The following LRRC4C variants were observed in gnomAD, a reference collection of about 807,000 sequenced individuals.
LRRC4C encodes leucine-rich repeat-containing protein 4C.
LRRC4C carries 5 observed loss-of-function variants against 33.6 expected under a neutral mutation model. That is an observed-to-expected ratio of 0.15 (90% confidence interval 0.08 to 0.31). The LOEUF is 0.31. Ranked by LOEUF, LRRC4C falls within the 10% of genes least tolerant of loss-of-function variation. The probability of loss-of-function intolerance (pLI) is 1.00; values close to 1 mark genes in which losing one functional copy is unlikely to be tolerated. For missense variants in LRRC4C, 560 were observed against 796.7 expected, an observed-to-expected ratio of 0.70 and a Z score of 3.58; for synonymous variants, 329 against 302.0, an observed-to-expected ratio of 1.09 and a Z score of -0.93.
chr11:41,049,017 G>C (rs549306129), intron 1 of LRRC4C, among the ~76,000 whole-genome samples: 5 of 152,222 alleles, frequency 3.3e-5, no homozygotes, highest in Non-Finnish European at 7.3e-5. Context: ...TAGGTATGTA[G>C]AGCTTGGTAG....
At chr11:41,234,683 C>T (rs933498573) in intron 1 of LRRC4C, among the ~76,000 whole-genome samples, 1 of 151,970 alleles carries the variant, frequency 6.6e-6, no homozygotes, top group Non-Finnish European at 1.5e-5. Context: ...GATTCTTTTG[C>T]CATATGTGGC....
intron 3 of LRRC4C, among the ~76,000 whole-genome samples, chr11:40,332,392 A>G (rs1008645145): frequency 1.3e-5 from 2 of 152,028 alleles, no homozygotes; most frequent in Admixed American, 6.6e-5. Context: ...ATTTATTTTT[A>G]TTTTTAAGAC....
intron 1 of LRRC4C, among the ~76,000 whole-genome samples, chr11:41,193,295 T>A (rs1009925890): frequency 1.3e-5 from 2 of 152,066 alleles, no homozygotes; most frequent in Admixed American, 6.6e-5. Flanking sequence ...GGAATCAGAG[T>A]CATCTACTTG....
intron 1 of LRRC4C, among the ~76,000 whole-genome samples, chr11:41,363,909 CAATT>C (rs1952443680): frequency 6.6e-6 from 1 of 152,132 alleles, no homozygotes; most frequent in African/African-American, 2.4e-5. Flanking sequence ...ACATTAGTCT[CAATT>C]AATCTCAAAG....
chr11:40,833,732 T>C (rs903158247), intron 2 of LRRC4C, among the ~76,000 whole-genome samples: 1 of 152,154 alleles, frequency 6.6e-6, no homozygotes, highest in African/African-American at 2.4e-5. Flanking sequence ...TATCTGATTC[T>C]GGCATATAAA....
At chr11:41,114,484 T>C (rs1461231988) in intron 1 of LRRC4C, among the ~76,000 whole-genome samples, 1 of 152,000 alleles carries the variant, frequency 6.6e-6, no homozygotes, top group Admixed American at 6.6e-5. Flanking sequence ...GTATACCTGC[T>C]CAATCTCAAA....
At chr11:41,030,475 A>T (rs1056865554) in intron 1 of LRRC4C, among the ~76,000 whole-genome samples, 2 of 151,774 alleles carry the variant, frequency 1.3e-5, no homozygotes, top group African/African-American at 4.8e-5. Context: ...GCCTAGACAG[A>T]ATTGCAGGAG....
intron 2 of LRRC4C, among the ~76,000 whole-genome samples, chr11:40,789,872 A>G (rs1280506871): frequency 6.6e-6 from 1 of 152,198 alleles, no homozygotes; most frequent in Non-Finnish European, 1.5e-5. Flanking sequence ...ACGAGGCCAT[A>G]TTAGCACAGA....
Position 41,178,920 on chromosome 11 carries a change from C to A in LRRC4C, c.-495-245197G>T, listed in dbSNP as rs550391454. On this transcript the variant is annotated intron_variant, in intron 1 of 6. Coordinates refer to ENST00000528697, the MANE Select transcript of LRRC4C (RefSeq NM_001258419.2). ...GTTTCACCATCTTGGCCAGGCTGGCCTTGAAATCCTGACCTTGTGATCCAC... is the reference window on the plus strand; with the variant it reads ...GTTTCACCATCTTGGCCAGGCTGGCATTGAAATCCTGACCTTGTGATCCAC... Among the ~76,000 whole-genome samples, 11 of 152,224 alleles carry A rather than the reference C, an allele frequency of 7.2e-5. No individual in the cohort carries two copies. The South Asian group carries it at 2.3e-3, about 32-fold the overall frequency.
At chr11:40,223,625 CA>C (rs2135945594) in intron 5 of LRRC4C, among the ~76,000 whole-genome samples, 1 of 152,276 alleles carries the variant, frequency 6.6e-6, no homozygotes, top group East Asian at 1.9e-4. Context: ...TGGAATGTTT[CA>C]AAATTGCCTT....
At position 41,164,199 on chromosome 11, in the gene LRRC4C, T is replaced by A. The variant is rs1455326977; in HGVS notation, c.-495-230476A>T. ...TTTCTTTTACCTTTTTTATTTTTTTTTTTTTTACTTTAAAATTTTTTCTTA... is the reference window on the plus strand; with the variant it reads ...TTTCTTTTACCTTTTTTATTTTTTTATTTTTTACTTTAAAATTTTTTCTTA... On this transcript the variant is annotated intron_variant, in intron 1 of 6. Transcript: ENST00000528697. Among the ~76,000 whole-genome samples the A allele has an allele frequency of 5.3e-5, 8 of 151,294 alleles. No homozygotes were observed. The East Asian group carries it at 1.4e-3, about 26-fold the overall frequency.
At chr11:41,228,819 T>C (rs955192754) in intron 1 of LRRC4C, among the ~76,000 whole-genome samples, 1 of 152,164 alleles carries the variant, frequency 6.6e-6, no homozygotes, top group Non-Finnish European at 1.5e-5. Context: ...TCACTAATGC[T>C]TGTTTACACT....
At chr11:40,644,505 A>G (rs983517651) in intron 3 of LRRC4C, among the ~76,000 whole-genome samples, 2 of 152,238 alleles carry the variant, frequency 1.3e-5, no homozygotes, top group Non-Finnish European at 2.9e-5. Flanking sequence ...AATAGCCCCA[A>G]ACTAGAAGCA....
intron 1 of LRRC4C, among the ~76,000 whole-genome samples, chr11:41,131,186 C>T (rs760559698): frequency 5.3e-5 from 8 of 152,034 alleles, no homozygotes; most frequent in South Asian, 2.1e-4. Context: ...TTTTCAGCAA[C>T]GTGAAAAATT....
At chr11:41,000,749 G>C (rs1020207988) in intron 1 of LRRC4C, among the ~76,000 whole-genome samples, 1 of 152,146 alleles carries the variant, frequency 6.6e-6, no homozygotes, top group African/African-American at 2.4e-5. Flanking sequence ...AGGCATTTGA[G>C]ATTGTAATGA....
At chr11:40,143,658 C>A (rs1312105002) in intron 5 of LRRC4C, among the ~76,000 whole-genome samples, 2 of 152,180 alleles carry the variant, frequency 1.3e-5, no homozygotes, top group Admixed American at 6.5e-5. Flanking sequence ...CTCTGCTAAA[C>A]CTGCTCAGAG....
At chr11:40,791,466 G>T (rs956810885) in intron 2 of LRRC4C, among the ~76,000 whole-genome samples, 2 of 152,040 alleles carry the variant, frequency 1.3e-5, no homozygotes. Flanking sequence ...CTACATACAG[G>T]CTCTTCATCC....
At chr11:40,553,226 C>A (rs1035605886) in intron 3 of LRRC4C, among the ~76,000 whole-genome samples, 3 of 152,038 alleles carry the variant, frequency 2.0e-5, no homozygotes, top group African/African-American at 7.2e-5. Flanking sequence ...GAGCTGATAT[C>A]GCGCCAGTGC....
At chr11:41,196,777 C>A (rs893062900) in intron 1 of LRRC4C, among the ~76,000 whole-genome samples, 34 of 151,856 alleles carry the variant, frequency 2.2e-4, no homozygotes, top group African/African-American at 8.2e-4. Context: ...ATGTGATTCT[C>A]CAAAATTACT....
Sources: allele counts gnomAD v4.1 joint callset (sites outside exome capture counted in the v4.1 genomes callset), GRCh38; gene constraint gnomAD v4.1.1; transcripts MANE v1.5; gene names NCBI Gene and HGNC (gene_info 2026-07-23, HGNC 2026-07-21).